NUDC: variants seen among roughly 807,000 people sequenced by gnomAD.
The protein encoded by NUDC is nuclear distribution C, dynein complex regulator.
Under a neutral mutation model 45.0 loss-of-function variants are expected in NUDC, and 14 were observed. The observed-to-expected ratio is 0.31, with a 90% CI of 0.21 to 0.49. NUDC has a LOEUF of 0.49. NUDC is among the 20% of genes least tolerant of loss of function. The pLI is 0.99. For synonymous variants in NUDC, 153 were observed against 156.7 expected, an observed-to-expected ratio of 0.98 and a Z score of 0.17; for missense variants, 323 against 426.2, an observed-to-expected ratio of 0.76 and a Z score of 2.13.
intron 8 of NUDC, 48 bp from the exon 9 acceptor site, chr1:26,946,082 C>CT (rs1388460791): frequency 5.1e-6 from 8 of 1,579,642 alleles, no homozygotes; most frequent in Non-Finnish European, 7.0e-6. Flanking sequence ...GAAGGGACAG[C>CT]TTTAGAAGAG....
At position 26,921,823 on chromosome 1, in the gene NUDC, C is replaced by T. The variant is rs1165988044; in HGVS notation, c.-26C>T. On this transcript the variant is annotated 5_prime_UTR_variant, in exon 1 of 9. Coordinates refer to ENST00000321265, the MANE Select transcript of NUDC (RefSeq NM_006600.4). The stretch of plus-strand genomic sequence containing the variant: ...GAGCGCGGGACTAGAGTGCAGAGCT[C>T]CGGGACGTGGATCGGAGCCGGCGCG... The T allele has an allele frequency of 3.2e-6, 5 of 1,549,286 alleles. No homozygotes were observed. Among genetic ancestry groups the T allele is most frequent in the East Asian group, 2.4e-5 (1 of 41,004 alleles).
chr1:26,921,950 G>C lies in NUDC; in HGVS notation c.81+21G>C, dbSNP rs201893334. 1,283 of 1,548,026 alleles carry C rather than the reference G, an allele frequency of 8.3e-4. 1 individual carries two copies. Among genetic ancestry groups the C allele is most frequent in the Non-Finnish European group, 1.1e-3 (1,204 of 1,145,440 alleles). Reference sequence around the variant, plus strand: ...AGGAGGTAACGGCCCGCGCGGCGTCGGCCCACCCGGCGGCCTTGGCCACGC... The same window carrying C: ...AGGAGGTAACGGCCCGCGCGGCGTCCGCCCACCCGGCGGCCTTGGCCACGC... On this transcript the variant is annotated intron_variant, in intron 1 of 8. Coordinates refer to ENST00000321265, the MANE Select transcript of NUDC (RefSeq NM_006600.4).
chr1:26,941,560 C>A lies in NUDC; in HGVS notation c.263C>A (p.Ala88Glu). 1 of 1,610,880 alleles carries A rather than the reference C, an allele frequency of 6.2e-7. No homozygotes were observed. The highest frequency in any genetic ancestry group is 1.1e-5 in the South Asian group (1 of 90,576). Residue 88 changes from alanine to glutamate, a missense_variant, in exon 3 of 9, where the codon GCG becomes GAG. This residue lies in a region of NUDC where 245 missense variants were observed against 278.8 expected (regional missense o/e 0.88). Coordinates refer to ENST00000321265, the MANE Select transcript of NUDC (RefSeq NM_006600.4). The stretch of plus-strand genomic sequence containing the variant: ...GAGCGGCGGGAGAAGGCGGAGCGGG[C>A]GGCCAGACTGGCCAAGGAAGCCAAG... ...EAERREKAERAARLAKEAKSE... is the reference protein window; with the variant it reads ...EAERREKAEREARLAKEAKSE...
intron 7 of NUDC, 23 bp from the exon 8 acceptor site, chr1:26,945,545 T>C (rs754658460): frequency 2.4e-5 from 38 of 1,611,994 alleles, no homozygotes; most frequent in Non-Finnish European, 3.1e-5. Flanking sequence ...GCTTCACCGA[T>C]TCCTGTCACT....
chr1:26,925,632 T>C (rs534884838), intron 2 of NUDC, among the ~76,000 whole-genome samples: 3 of 152,060 alleles, frequency 2.0e-5, no homozygotes, highest in Non-Finnish European at 4.4e-5. Flanking sequence ...GATTTCTGTT[T>C]TGTAGTATTG....
At chr1:26,900,517 C>A in intron 1 of NUDC, 1 of 1,276,268 alleles carries the variant, frequency 7.8e-7, no homozygotes, top group Non-Finnish European at 1.1e-6. Context: ...CCCTGCGTTG[C>A]GAGATTGTGA....
At chr1:26,932,924 C>A (rs1294663436) in intron 2 of NUDC, among the ~76,000 whole-genome samples, 1 of 152,130 alleles carries the variant, frequency 6.6e-6, no homozygotes. Flanking sequence ...TTTCCATCCC[C>A]TTTAAGGCTG....
At chr1:26,935,201 C>G (rs184903843) in intron 2 of NUDC, among the ~76,000 whole-genome samples, 1 of 151,008 alleles carries the variant, frequency 6.6e-6, no homozygotes, top group Non-Finnish European at 1.5e-5. Flanking sequence ...AACCTGGTCT[C>G]GAACTCCTGA....
upstream of NUDC, chr1:26,900,166 C>A: frequency 1.2e-6 from 2 of 1,614,084 alleles, no homozygotes; most frequent in Non-Finnish European, 1.7e-6. Context: ...GGAGTAGAGT[C>A]TCGAGTGGAG....
At position 26,928,383 on chromosome 1, in the gene NUDC, T is replaced by C. The variant is rs2124106361; in HGVS notation, c.159+4217T>C. Among the ~76,000 whole-genome samples the C allele has an allele frequency of 1.3e-5, 2 of 152,322 alleles. 1 individual carries two copies. The highest frequency in any genetic ancestry group is 6.8e-3 in the Middle Eastern group (2 of 294). On this transcript the variant is annotated intron_variant, in intron 2 of 8. Coordinates refer to ENST00000321265, the MANE Select transcript of NUDC (RefSeq NM_006600.4). The stretch of plus-strand genomic sequence containing the variant: ...TTTTCAGCATTAGAAAACTGGAAGC[T>C]ATAAAAGAAGAGATAGCTGTTTGCC...
intron 2 of NUDC, among the ~76,000 whole-genome samples, chr1:26,925,475 A>C (rs1039271248): frequency 1.5e-5 from 2 of 132,978 alleles, no homozygotes; most frequent in Admixed American, 8.4e-5. Flanking sequence ...CGGGGGGCGG[A>C]GCTTGCAGTG....
At chr1:26,943,179 C>CA in intron 6 of NUDC, 114 bp downstream of exon 6, 1 of 1,033,226 alleles carries the variant, frequency 9.7e-7, no homozygotes, top group Non-Finnish European at 1.5e-6. Flanking sequence ...TCTTAATCCC[C>CA]ATGACAACAC....
chr1:26,935,607 C>A (rs1027313807), intron 2 of NUDC, among the ~76,000 whole-genome samples: 73 of 152,080 alleles, frequency 4.8e-4, no homozygotes, highest in African/African-American at 1.7e-3. Context: ...AATTACCCCC[C>A]ACCAGGTCCT....
At chr1:26,929,467 G>A (rs1465669737) in intron 2 of NUDC, among the ~76,000 whole-genome samples, 1 of 151,954 alleles carries the variant, frequency 6.6e-6, no homozygotes, top group Admixed American at 6.6e-5. Context: ...ATCCGTAGCA[G>A]TTACATTGTA....
chr1:26,927,264 C>CGTGTGTGTGTGTGTGTGTGT lies in NUDC; in HGVS notation c.159+3119_159+3138dup, dbSNP rs60238934. On this transcript the variant is annotated intron_variant, in intron 2 of 8. Transcript: ENST00000321265. ...GCTGTAAGAAGGGAGAGAGATGAAC[C>CGTGTGTGTGTGTGTGTGTGT]GTGTGTGTGTGTGTGTGTGTGTGTG... is the stretch of plus-strand genomic sequence containing the variant. Among the ~76,000 whole-genome samples the CGTGTGTGTGTGTGTGTGTGT allele has an allele frequency of 4.2e-3, 382 of 91,798 alleles. 17 individuals are homozygous for CGTGTGTGTGTGTGTGTGTGT. The highest frequency in any genetic ancestry group is 6.2e-3 in the Non-Finnish European group (286 of 46,472). 60.2% of individuals were successfully genotyped at this position (91,798 alleles called of 152,430 possible).
chr1:26,915,206 A>G (rs1275724788), intron 3 of NUDC, among the ~76,000 whole-genome samples: 2 of 152,006 alleles, frequency 1.3e-5, no homozygotes, highest in Non-Finnish European at 2.9e-5. Context: ...GACTTGCCCA[A>G]GGTCATCCCA....
At chr1:26,928,427 T>C (rs2082151731) in intron 2 of NUDC, among the ~76,000 whole-genome samples, 1 of 152,210 alleles carries the variant, frequency 6.6e-6, no homozygotes, top group South Asian at 2.1e-4. Flanking sequence ...TGCTGAAACT[T>C]TGTAAATGGT....
intron 1 of NUDC, among the ~76,000 whole-genome samples, chr1:26,901,389 C>G (rs1056223222): frequency 1.3e-4 from 19 of 144,432 alleles, no homozygotes; most frequent in African/African-American, 4.1e-4. Context: ...CGGTCCCCGC[C>G]TTTTTGTCTT....
In NUDC at chr1:26,911,054, G is replaced by T. The variant is rs2082023423; in HGVS notation, c.-15-74G>T. On this transcript the variant is annotated intron_variant, in intron 2 of 6. Transcript: ENST00000435827. The stretch of plus-strand genomic sequence containing the variant: ...GGTCTGCCTTGGCCTTCAAGCAGTT[G>T]CCAGGCCAGCCCTGGGTACCCTTGT... The T allele has an allele frequency of 6.1e-5, 28 of 459,482 alleles. 1 individual carries two copies. The highest frequency in any genetic ancestry group is 4.5e-4 in the South Asian group (28 of 62,396). The allele number at this position is 459,482 out of a possible 1,614,324, so 28.5% of individuals were successfully genotyped here.
Sources: gnomAD v4.1 joint callset for allele counts (sites outside exome capture counted in the v4.1 genomes callset) on GRCh38, gnomAD v4.1.1 for gene constraint, gnomAD v4.1.1 regional missense constraint, MANE v1.5 for transcripts, NCBI Gene and HGNC (gene_info 2026-07-23, HGNC 2026-07-21) for gene names.